The following ZAR1L variants were observed in gnomAD, a reference collection of about 807,000 sequenced individuals.
ZAR1L encodes protein ZAR1-like.
ZAR1L carries 16 observed loss-of-function variants against 30.0 expected under a neutral mutation model. The observed-to-expected ratio is 0.53, with a 90% CI of 0.36 to 0.81. ZAR1L has a LOEUF of 0.81. Ranked by LOEUF, ZAR1L falls within the 30% of genes least tolerant of loss-of-function variation. The pLI, the probability that ZAR1L is intolerant of heterozygous loss-of-function variation, is 0.00. For missense variants in ZAR1L, 392 were observed against 417.2 expected (o/e 0.94, Z 0.53); for synonymous variants, 197 against 166.8 (o/e 1.18, Z -1.40).
At chr13:32,304,748 C>G (rs1182118665) in intron 5 of ZAR1L, among the ~76,000 whole-genome samples, 1 of 152,070 alleles carries the variant, frequency 6.6e-6, no homozygotes, top group Non-Finnish European at 1.5e-5. Context: ...TTCCATCCCC[C>G]CAACCCTGCC....
Position 32,303,986 on chromosome 13 carries a change from T to C in ZAR1L, c.859A>G (p.Lys287Glu). 1 of 1,552,176 alleles carries C rather than the reference T, an allele frequency of 6.4e-7. No homozygotes were observed. The highest frequency in any genetic ancestry group is 1.2e-5 in the South Asian group (1 of 84,058). ...GGCCTCCTTAGATCAATGTGTCTCT[T>C]CTTTTGAGGACAGGAACAATGAGAC... ...SKSHCSCPQK[K>E]RHIDLRRPHR... The change falls in exon 6 of 6, where the codon AAG (lysine) becomes GAG (glutamate). Residue 287 changes from lysine (K) to glutamate (E), a missense_variant. By Grantham distance (56) the Lys-to-Glu change is moderately conservative. Coordinates refer to ENST00000533490, the MANE Select transcript of ZAR1L (RefSeq NM_001136571.2).
chr13:32,309,421 C>T (rs1240710364), intron 4 of ZAR1L, among the ~76,000 whole-genome samples: 1 of 152,202 alleles, frequency 6.6e-6, no homozygotes, highest in African/African-American at 2.4e-5. Context: ...TTAGCTCTTA[C>T]ATGTTTCATT....
chr13:32,311,476 G>A lies in ZAR1L; in HGVS notation c.450C>T (p.Asp150=). The change falls in exon 3 of 6, where the codon GAC becomes GAT. Residue 150 remains aspartate (D), a synonymous_variant. Coordinates refer to ENST00000533490, the MANE Select transcript of ZAR1L (RefSeq NM_001136571.2). ...RGLIRLRRDG[D]EAESKALPGP... ...CCGGGAGCGCCTTGCTCTCCGCTTCGTCCCCATCTCTCCGCAGGCGGATCA... is the reference window on the plus strand; with the variant it reads ...CCGGGAGCGCCTTGCTCTCCGCTTCATCCCCATCTCTCCGCAGGCGGATCA... The A allele has an allele frequency of 3.2e-6, 5 of 1,546,166 alleles. No individual in the cohort carries two copies. Among genetic ancestry groups the A allele is most frequent in the Non-Finnish European group, 4.4e-6 (5 of 1,146,656 alleles).
chr13:32,307,498 C>CAA (rs772822284), intron 5 of ZAR1L, among the ~76,000 whole-genome samples: 584 of 15,382 alleles, frequency 0.038, 187 homozygotes, highest in African/African-American at 0.045. Context: ...GAGTCTGTCT[C>CAA]AAAAAAAAAA....
chr13:32,311,459 G>A lies in ZAR1L; in HGVS notation c.467C>T (p.Ala156Val), dbSNP rs922341597. ...GCTGGCCTCCGCAGGGCCCGGGAGC[G>A]CCTTGCTCTCCGCTTCGTCCCCATC... ...RRDGDEAESKALPGPAEASQP... is the reference protein window; with the variant it reads ...RRDGDEAESKVLPGPAEASQP... The change falls in exon 3 of 6, where the codon GCG (alanine) becomes GTG (valine). Residue 156 changes from alanine (A) to valine (V), a missense_variant. By Grantham distance (64) the Ala-to-Val change is moderately conservative. Coordinates refer to ENST00000533490, the MANE Select transcript of ZAR1L (RefSeq NM_001136571.2). The A allele has an allele frequency of 1.3e-6, 2 of 1,547,014 alleles. No individual in the cohort carries two copies. The highest frequency in any genetic ancestry group is 8.7e-7 in the Non-Finnish European group (1 of 1,146,800).
rs527407493 is a variant in ZAR1L at position 32,303,868 on chromosome 13, C to T, written c.*11G>A. The T allele has an allele frequency of 1.9e-6, 3 of 1,550,094 alleles. No individual in the cohort carries two copies. The highest frequency in any genetic ancestry group is 2.6e-6 in the Non-Finnish European group (3 of 1,146,242). On this transcript the variant is annotated 3_prime_UTR_variant, in exon 6 of 6. Transcript: ENST00000533490. ...GAGCTCAGGGGTCCATTACAAGTCA[C>T]ACTGTACAAGTCACATCACATATTT... is the stretch of plus-strand genomic sequence containing the variant.
Position 32,308,708 on chromosome 13 carries a change from C to A in ZAR1L, c.800G>T (p.Arg267Leu). 1 of 1,550,962 alleles carries A rather than the reference C, an allele frequency of 6.4e-7. No individual in the cohort carries two copies. Among genetic ancestry groups the A allele is most frequent in the South Asian group, 1.2e-5 (1 of 84,038 alleles). The change falls in exon 5 of 6, where the codon CGA (arginine) becomes CTA (leucine). Residue 267 changes from arginine to leucine, a missense_variant. Transcript: ENST00000533490. ...CACCTGACATTGGATTGCTTCTACTCGATAAGGGTTAAAACTCTTTTGGCA... is the reference window on the plus strand; with the variant it reads ...CACCTGACATTGGATTGCTTCTACTAGATAAGGGTTAAAACTCTTTTGGCA... ...CKCQKSFNPYRVEAIQCQTCS... is the reference protein window; with the variant it reads ...CKCQKSFNPYLVEAIQCQTCS...
chr13:32,311,712 G>T lies in ZAR1L; in HGVS notation c.214C>A (p.Leu72Ile). ...PYKRAQLKAI[L>I]SQMNPSLSPR... Reference sequence around the variant, plus strand: ...CTCAGGCTGGGGTTCATCTGGGAGAGAATGGCCTTAAGCTGCGCCCTCTTG... The same window carrying T: ...CTCAGGCTGGGGTTCATCTGGGAGATAATGGCCTTAAGCTGCGCCCTCTTG... Residue 72 changes from leucine to isoleucine, a missense_variant, in exon 3 of 6, where the codon CTC (leucine) becomes ATC (isoleucine). Coordinates refer to ENST00000533490, the MANE Select transcript of ZAR1L (RefSeq NM_001136571.2). 9 of 1,551,666 alleles carry T rather than the reference G, an allele frequency of 5.8e-6. No homozygotes were observed. Among genetic ancestry groups the T allele is most frequent in the Non-Finnish European group, 7.8e-6 (9 of 1,147,008 alleles).
chr13:32,303,772 C>G lies in ZAR1L; in HGVS notation c.*107G>C. ...ACACAATCTACAAAAAGTACAAAAG[C>G]CTAGCCATTTTCCGATGCCAGGTCA... On this transcript the variant is annotated 3_prime_UTR_variant, in exon 6 of 6. Coordinates refer to ENST00000533490, the MANE Select transcript of ZAR1L (RefSeq NM_001136571.2). 1 of 1,113,802 alleles carries G rather than the reference C, an allele frequency of 9.0e-7. No individual in the cohort carries two copies. Among genetic ancestry groups the G allele is most frequent in the Non-Finnish European group, 1.3e-6 (1 of 794,974 alleles). The allele number at this position is 1,113,802 out of a possible 1,614,324, so 69.0% of individuals were successfully genotyped here.
chr13:32,305,511 C>A (rs915630658), intron 5 of ZAR1L, among the ~76,000 whole-genome samples: 2 of 152,230 alleles, frequency 1.3e-5, no homozygotes, highest in African/African-American at 2.4e-5. Context: ...CAGGCGTGAG[C>A]CACTGCACCC....
rs2072216251 is a variant in ZAR1L at position 32,311,843 on chromosome 13, C to A, written c.83G>T (p.Gly28Val). 2 of 1,551,554 alleles carry A rather than the reference C, an allele frequency of 1.3e-6. No homozygotes were observed. Among genetic ancestry groups the A allele is most frequent in the African/African-American group, 2.7e-5 (2 of 73,040 alleles). Residue 28 changes from glycine (G) to valine (V), a missense_variant, in exon 3 of 6, where the codon GGG becomes GTG. Physicochemically the swap from Gly to Val is moderately radical, Grantham distance 109. Transcript: ENST00000533490. ...TTGCCTCCAGTCGGGCTGTTTGTGC[C>A]CTGAGAGTCCAGGCTGGCCCAAAGG... ...TVPLGQPGLSGHKQPDWRQNM... is the reference protein window; with the variant it reads ...TVPLGQPGLSVHKQPDWRQNM...
chr13:32,309,599 C>T (rs2072199033), intron 4 of ZAR1L, among the ~76,000 whole-genome samples: 1 of 152,192 alleles, frequency 6.6e-6, no homozygotes, highest in Non-Finnish European at 1.5e-5. Context: ...AAGCTGTCTT[C>T]CCTCAGACAG....
At chr13:32,309,760 T>C (rs2072199774) in intron 4 of ZAR1L, among the ~76,000 whole-genome samples, 1 of 152,264 alleles carries the variant, frequency 6.6e-6, no homozygotes, top group African/African-American at 2.4e-5. Flanking sequence ...CTTTGTATCC[T>C]AGTGCCTTGG....
At chr13:32,308,033 C>T (rs1566210179) in intron 5 of ZAR1L, among the ~76,000 whole-genome samples, 1 of 152,144 alleles carries the variant, frequency 6.6e-6, no homozygotes, top group Non-Finnish European at 1.5e-5. Flanking sequence ...GAACTCCTGA[C>T]CTTGTGATCC....
intron 5 of ZAR1L, among the ~76,000 whole-genome samples, chr13:32,304,352 A>G (rs887113974): frequency 1.3e-5 from 2 of 152,216 alleles, no homozygotes; most frequent in African/African-American, 4.8e-5. Flanking sequence ...AAGGCAACAT[A>G]ATGTAAGAGA....
At chr13:32,309,336 T>C (rs758834100) in intron 4 of ZAR1L, among the ~76,000 whole-genome samples, 4 of 152,136 alleles carry the variant, frequency 2.6e-5, no homozygotes, top group Non-Finnish European at 4.4e-5. Flanking sequence ...TTCTGAGAAC[T>C]CCCTAATAAT....
Position 32,306,929 on chromosome 13 carries a change from T to C in ZAR1L, c.822+1757A>G, listed in dbSNP as rs1409364646. On this transcript the variant is annotated intron_variant, in intron 5 of 5. Transcript: ENST00000533490. ...CTGGGCAATGGAGCAAGACTCTATC[T>C]CAAAAAAAAAAAAAAAAAAAAAAAG... 5.7e-3 allele frequency among the ~76,000 whole-genome samples: 26 copies of C among 4,568 alleles called. 1 individual carries two copies. Among genetic ancestry groups the C allele is most frequent in the Non-Finnish European group, 9.1e-3 (23 of 2,532 alleles). 3.0% of individuals were successfully genotyped at this position (4,568 alleles called of 152,430 possible).
In ZAR1L at chr13:32,311,977, T is replaced by C; in HGVS notation, c.-52A>G. On this transcript the variant is annotated 5_prime_UTR_variant, in exon 3 of 6. Transcript: ENST00000533490. ...TAATATCCTAGCCAGTTTGTTTGGG[T>C]CCTTATTTTGCCTTCCTCCTTCATC... The C allele has an allele frequency of 1.4e-6, 2 of 1,473,448 alleles. No homozygotes were observed. 91.3% of individuals were successfully genotyped at this position (1,473,448 alleles called of 1,614,324 possible).
At chr13:32,310,445 G>A (rs1454929963) in intron 4 of ZAR1L, among the ~76,000 whole-genome samples, 194 bp downstream of exon 4, 1 of 152,162 alleles carries the variant, frequency 6.6e-6, no homozygotes, top group Non-Finnish European at 1.5e-5. Context: ...CCAGAGTATG[G>A]TTCGGAAACC....
Sources: allele counts gnomAD v4.1 joint callset (sites outside exome capture counted in the v4.1 genomes callset), GRCh38; gene constraint gnomAD v4.1.1; transcripts MANE v1.5; gene names NCBI Gene and HGNC (gene_info 2026-07-23, HGNC 2026-07-21).